Variants in LRMDA observed in about 807,000 individuals in gnomAD.
LRMDA encodes leucine rich melanocyte differentiation associated, also known as leucine-rich melanocyte differentiation-associated protein.
A neutral mutation model predicts 29.8 loss-of-function variants in LRMDA; 18 were observed. The observed-to-expected ratio is 0.60, with a 90% CI of 0.42 to 0.90. The LOEUF (loss-of-function observed/expected upper bound fraction) is 0.90, where lower values mean the gene tolerates loss of function less well. LRMDA is among the 40% of genes least tolerant of loss of function. The probability of loss-of-function intolerance (pLI) is 0.00; values close to 1 mark genes in which losing one functional copy is unlikely to be tolerated. For missense variants in LRMDA, 273 were observed against 273.9 expected (o/e 1.00, Z 0.02); for synonymous variants, 125 against 109.4 (o/e 1.14, Z -0.89).
At chr10:76,223,291 C>A (rs1472029706) in intron 5 of LRMDA, among the ~76,000 whole-genome samples, 1 of 151,910 alleles carries the variant, frequency 6.6e-6, no homozygotes, top group South Asian at 2.1e-4. Flanking sequence ...AAAAGAGTCT[C>A]CTTAAATACT....
At chr10:76,390,015 A>C (rs1841704436) in intron 6 of LRMDA, among the ~76,000 whole-genome samples, 1 of 152,138 alleles carries the variant, frequency 6.6e-6, no homozygotes, top group Non-Finnish European at 1.5e-5. Flanking sequence ...CAGATTTAAA[A>C]TGGCCAGATT....
At chr10:76,406,635 G>C (rs1259581120) in intron 6 of LRMDA, among the ~76,000 whole-genome samples, 1 of 152,108 alleles carries the variant, frequency 6.6e-6, no homozygotes, top group African/African-American at 2.4e-5. Flanking sequence ...AGTAGAGTTG[G>C]CTATGACATC....
chr10:75,943,515 G>A (rs545849596), intron 2 of LRMDA, among the ~76,000 whole-genome samples: 4 of 152,258 alleles, frequency 2.6e-5, no homozygotes, highest in African/African-American at 9.6e-5. Context: ...TATGTCATTA[G>A]AAAGAAAAAT....
intron 6 of LRMDA, among the ~76,000 whole-genome samples, chr10:76,500,077 T>C (rs1842900061): frequency 1.3e-5 from 1 of 74,870 alleles, no homozygotes; most frequent in South Asian, 3.5e-4. Flanking sequence ...TTTTGTTTTG[T>C]TGCCAAGGCT....
intron 2 of LRMDA, among the ~76,000 whole-genome samples, chr10:75,973,425 T>C (rs1057468997): frequency 2.6e-5 from 4 of 151,974 alleles, no homozygotes; most frequent in Admixed American, 6.5e-5. Context: ...TGTCCTTTTT[T>C]TTTTTTTTTT....
chr10:75,888,312 G>A (rs1483796455), intron 2 of LRMDA, among the ~76,000 whole-genome samples: 1 of 152,172 alleles, frequency 6.6e-6, no homozygotes, highest in Non-Finnish European at 1.5e-5. Context: ...CCACAATAGT[G>A]GATCTGAAAA....
chr10:75,994,427 A>G (rs751400781), intron 2 of LRMDA, among the ~76,000 whole-genome samples: 40 of 152,204 alleles, frequency 2.6e-4, no homozygotes, highest in Non-Finnish European at 5.0e-4. Flanking sequence ...TGCTCTGAAC[A>G]TGATCACTGT....
rs569673447 is a variant in LRMDA at position 75,833,966 on chromosome 10, C to G, written c.132-202042C>G. ...ATTCTGTGTGGCTTGAGGACCTGCG[C>G]TCTGGATTTGAGCTTCTACACTCTG... On this transcript the variant is annotated intron_variant, in intron 2 of 6. Coordinates refer to ENST00000611255, the MANE Select transcript of LRMDA (RefSeq NM_001305581.2). 3.3e-5 allele frequency among the ~76,000 whole-genome samples: 5 copies of G among 152,250 alleles called. No homozygotes were observed. The South Asian group carries it at 1.0e-3, about 32-fold the overall frequency.
At chr10:76,350,174 A>AC (rs925211462) in intron 6 of LRMDA, among the ~76,000 whole-genome samples, 18 of 152,020 alleles carry the variant, frequency 1.2e-4, no homozygotes, top group Admixed American at 2.6e-4. Context: ...AAAAACAAAA[A>AC]AAAAAATAAA....
At chr10:75,443,557 C>T (rs1163616156) in intron 2 of LRMDA, among the ~76,000 whole-genome samples, 2 of 152,004 alleles carry the variant, frequency 1.3e-5, no homozygotes, top group Non-Finnish European at 2.9e-5. Flanking sequence ...GGATAAATCC[C>T]ACTTGATGAT....
intron 6 of LRMDA, among the ~76,000 whole-genome samples, chr10:76,549,131 G>A (rs1453054739): frequency 6.6e-6 from 1 of 151,968 alleles, no homozygotes; most frequent in Non-Finnish European, 1.5e-5. Flanking sequence ...AAGATGACAA[G>A]CCTCATTTCA....
intron 5 of LRMDA, among the ~76,000 whole-genome samples, chr10:76,064,263 C>CA (rs1564643338): frequency 6.6e-6 from 1 of 152,210 alleles, no homozygotes; most frequent in Non-Finnish European, 1.5e-5. Flanking sequence ...ACTACTACCA[C>CA]AATCCCCATG....
chr10:75,564,003 T>C (rs1840336662), intron 2 of LRMDA, among the ~76,000 whole-genome samples: 1 of 152,088 alleles, frequency 6.6e-6, no homozygotes, highest in African/African-American at 2.4e-5. Flanking sequence ...CTTGAGGAGG[T>C]AGTCTGCCCG....
chr10:76,150,773 T>C (rs897500051), intron 5 of LRMDA, among the ~76,000 whole-genome samples: 4 of 152,216 alleles, frequency 2.6e-5, no homozygotes, highest in African/African-American at 9.6e-5. Context: ...ACACTTAACG[T>C]CTGCTTTTGT....
chr10:75,695,055 T>C (rs4745789), intron 2 of LRMDA, among the ~76,000 whole-genome samples: 6,106 of 152,056 alleles, frequency 0.04, 311 homozygotes, highest in African/African-American at 0.12. Context: ...ATCTGGGACA[T>C]GAGGAGTGGC....
chr10:76,076,167 A>T (rs995620598), intron 5 of LRMDA, among the ~76,000 whole-genome samples: 4 of 151,266 alleles, frequency 2.6e-5, no homozygotes, highest in Non-Finnish European at 5.9e-5. Context: ...CACGGTGAAA[A>T]CCCGTCTCTA....
intron 6 of LRMDA, among the ~76,000 whole-genome samples, chr10:76,387,733 G>A (rs540600120): frequency 2.0e-5 from 3 of 152,150 alleles, no homozygotes; most frequent in Non-Finnish European, 4.4e-5. Context: ...ATAAAGAATG[G>A]TTATTCCATA....
chr10:75,776,262 T>A (rs1385301487), intron 2 of LRMDA, among the ~76,000 whole-genome samples: 1 of 152,168 alleles, frequency 6.6e-6, no homozygotes, highest in Non-Finnish European at 1.5e-5. Context: ...ACTTGAGAAT[T>A]TGGGTCCTGG....
At chr10:76,103,433 C>T (rs886905893) in intron 5 of LRMDA, among the ~76,000 whole-genome samples, 8 of 152,132 alleles carry the variant, frequency 5.3e-5, no homozygotes, top group South Asian at 2.1e-4. Context: ...CTTCTGATCC[C>T]GGGGGCCTCT....
Sources: allele counts gnomAD v4.1 joint callset (sites outside exome capture counted in the v4.1 genomes callset), GRCh38; gene constraint gnomAD v4.1.1; transcripts MANE v1.5; gene names NCBI Gene and HGNC (gene_info 2026-07-23, HGNC 2026-07-21).